The following RAD51B variants were observed in gnomAD, a reference collection of about 807,000 sequenced individuals.
The protein encoded by RAD51B is RAD51 paralog B.
A neutral mutation model predicts 42.2 loss-of-function variants in RAD51B; 38 were observed. That is an observed-to-expected ratio of 0.90 (90% CI 0.70 to 1.18). The LOEUF (loss-of-function observed/expected upper bound fraction) is 1.18, where lower values mean the gene tolerates loss of function less well. Among genes scored for constraint, RAD51B ranks in the 50% most tolerant of loss-of-function variants. The probability of loss-of-function intolerance (pLI) is 0.00; values close to 1 mark genes in which losing one functional copy is unlikely to be tolerated. For missense variants in RAD51B, 373 were observed against 400.7 expected, an observed-to-expected ratio of 0.93 and a Z score of 0.59; for synonymous variants, 154 against 145.2, an observed-to-expected ratio of 1.06 and a Z score of -0.43.
intron 7 of RAD51B, among the ~76,000 whole-genome samples, chr14:68,002,973 C>T (rs1566570605): frequency 1.3e-5 from 2 of 152,106 alleles, no homozygotes; most frequent in Admixed American, 6.5e-5. Flanking sequence ...ATGTCTCTAG[C>T]TTTGTTCTTT....
chr14:68,483,715 T>A (rs1051044187), intron 10 of RAD51B, among the ~76,000 whole-genome samples: 5 of 152,222 alleles, frequency 3.3e-5, no homozygotes, highest in Non-Finnish European at 7.3e-5. Context: ...TCCCTTATTA[T>A]TCTTTCAGTA....
At chr14:68,186,785 A>T (rs1357273179) in intron 7 of RAD51B, among the ~76,000 whole-genome samples, 3 of 152,202 alleles carry the variant, frequency 2.0e-5, no homozygotes, top group Non-Finnish European at 2.9e-5. Flanking sequence ...TATTTCAGCC[A>T]CTGTGGAAAG....
intron 8 of RAD51B, among the ~76,000 whole-genome samples, chr14:68,342,956 T>C (rs1246213266): frequency 1.3e-5 from 2 of 151,838 alleles, no homozygotes; most frequent in Admixed American, 6.6e-5. Context: ...TTAAAGTATA[T>C]GTAGCCCTTG....
intron 7 of RAD51B, among the ~76,000 whole-genome samples, chr14:68,147,530 A>G (rs1595469187): frequency 1.3e-5 from 2 of 152,284 alleles, no homozygotes; most frequent in South Asian, 2.1e-4. Context: ...ATACTCTAGT[A>G]AACTGCATCT....
At chr14:68,015,689 G>A (rs1410527184) in intron 7 of RAD51B, among the ~76,000 whole-genome samples, 1 of 152,150 alleles carries the variant, frequency 6.6e-6, no homozygotes, top group African/African-American at 2.4e-5. Context: ...CATGACACGT[G>A]GGGATTATGG....
chr14:68,234,232 A>C (rs963741997), intron 7 of RAD51B, among the ~76,000 whole-genome samples: 4 of 152,212 alleles, frequency 2.6e-5, no homozygotes, highest in African/African-American at 9.7e-5. Context: ...CTTCAACAAG[A>C]AATTCAGAGG....
intron 4 of RAD51B, among the ~76,000 whole-genome samples, chr14:67,842,912 G>A (rs954950122): frequency 6.6e-6 from 1 of 152,144 alleles, no homozygotes; most frequent in Non-Finnish European, 1.5e-5. Flanking sequence ...AGCTTTTTCT[G>A]TGTCTATGGA....
At chr14:68,428,713 A>C in intron 9 of RAD51B, among the ~76,000 whole-genome samples, 1 of 1,048 alleles carries the variant, frequency 9.5e-4, no homozygotes, top group Non-Finnish European at 3.5e-3. Context: ...TTCTTTATAT[A>C]TATATATATA....
chr14:67,852,769 ATGTG>A (rs2041870348), intron 4 of RAD51B, among the ~76,000 whole-genome samples: 1 of 148,620 alleles, frequency 6.7e-6, no homozygotes, highest in Non-Finnish European at 1.5e-5. Flanking sequence ...GTACGCATGC[ATGTG>A]TGTATGTGTA....
intron 3 of RAD51B, among the ~76,000 whole-genome samples, chr14:67,827,860 G>A (rs11621682): frequency 0.097 from 14,814 of 152,104 alleles, 978 homozygotes; most frequent in Middle Eastern, 0.24. Context: ...TTGTGTATAC[G>A]TACCACATTT....
chr14:68,087,953 A>ATTTATATAATATATT (rs2077019842), intron 7 of RAD51B, among the ~76,000 whole-genome samples: 1 of 114,052 alleles, frequency 8.8e-6, no homozygotes, highest in African/African-American at 4.4e-5. Context: ...TATTATATAT[A>ATTTATATAATATATT]ATTATATAAT....
chr14:68,539,940 T>G (rs1471683536), intron 10 of RAD51B, among the ~76,000 whole-genome samples: 1 of 152,158 alleles, frequency 6.6e-6, no homozygotes, highest in Non-Finnish European at 1.5e-5. Flanking sequence ...TTGCTGTTCT[T>G]TATCAGTGCT....
At position 68,519,750 on chromosome 14, in the gene RAD51B, G is replaced by A. The variant is rs144993705; in HGVS notation, c.1036+51500G>A. Reference sequence around the variant, plus strand: ...GGAGCCCAGGGAAAGCCCAGAGTCAGTTTTCTGTATTAGATTGCCCAGGAC... The same window carrying A: ...GGAGCCCAGGGAAAGCCCAGAGTCAATTTTCTGTATTAGATTGCCCAGGAC... On this transcript the variant is annotated intron_variant, in intron 10 of 10. Coordinates refer to the RAD51B transcript ENST00000487270. Among the ~76,000 whole-genome samples, 261 of 152,298 alleles carry A rather than the reference G, an allele frequency of 1.7e-3. 1 individual carries two copies. Among genetic ancestry groups the A allele is most frequent in the African/African-American group, 5.8e-3 (240 of 41,568 alleles).
intron 7 of RAD51B, among the ~76,000 whole-genome samples, chr14:68,243,951 T>C (rs1251612905): frequency 6.6e-6 from 1 of 152,232 alleles, no homozygotes; most frequent in Non-Finnish European, 1.5e-5. Flanking sequence ...TCCAAGATTA[T>C]GGTATCAGTT....
intron 7 of RAD51B, among the ~76,000 whole-genome samples, chr14:67,967,820 G>A (rs910853848): frequency 6.6e-6 from 1 of 152,160 alleles, no homozygotes; most frequent in East Asian, 1.9e-4. Flanking sequence ...TCTAGGGTCT[G>A]GAGGATGGTG....
chr14:68,670,365 G>A (rs1013170366), intron 11 of RAD51B, among the ~76,000 whole-genome samples: 21 of 152,066 alleles, frequency 1.4e-4, no homozygotes, highest in African/African-American at 5.1e-4. Flanking sequence ...AGTGCCCCCC[G>A]GCCCACCCCT....
chr14:67,873,979 C>A (rs565724295), intron 5 of RAD51B, among the ~76,000 whole-genome samples: 21 of 150,532 alleles, frequency 1.4e-4, no homozygotes, highest in African/African-American at 4.9e-4. Flanking sequence ...GGGAGATATA[C>A]CTAATGCTAG....
intron 7 of RAD51B, among the ~76,000 whole-genome samples, chr14:68,087,581 C>A (rs2077003983): frequency 6.6e-6 from 1 of 151,556 alleles, no homozygotes; most frequent in Non-Finnish European, 1.5e-5. Context: ...AGAAAGTTCG[C>A]TGTGGAACCA....
At chr14:67,849,510 T>C (rs1319718481) in intron 4 of RAD51B, among the ~76,000 whole-genome samples, 1 of 152,204 alleles carries the variant, frequency 6.6e-6, no homozygotes, top group Non-Finnish European at 1.5e-5. Flanking sequence ...CTCAAACTCC[T>C]GATCTCAGGT....
Sources: gnomAD v4.1 joint callset for allele counts (sites outside exome capture counted in the v4.1 genomes callset) on GRCh38, gnomAD v4.1.1 for gene constraint, MANE v1.5 for transcripts, NCBI Gene and HGNC (gene_info 2026-07-23, HGNC 2026-07-21) for gene names.